Variants in ANKRD62 observed in about 807,000 individuals in gnomAD.
The protein encoded by ANKRD62 is ankyrin repeat domain-containing protein 62.
A neutral mutation model predicts 98.8 loss-of-function variants in ANKRD62; 61 were observed. The ratio of observed to expected loss-of-function variants is 0.62; its 90% CI spans 0.50 to 0.76. The LOEUF is 0.76. Ranked by LOEUF, ANKRD62 falls within the 30% of genes least tolerant of loss-of-function variation. The pLI is 0.00. For synonymous variants in ANKRD62, 341 were observed against 367.9 expected, an observed-to-expected ratio of 0.93 and a Z score of 0.84; for missense variants, 933 against 1,082.9, an observed-to-expected ratio of 0.86 and a Z score of 1.94.
chr18:12,111,961 T>G lies in ANKRD62; in HGVS notation c.1065-3127T>G, dbSNP rs111722205. ...CCTGCCTCTACTAAAAATACAAAAA[T>G]TAGCCGGGCGTGGTGGCAGGCACCT... On this transcript the variant is annotated intron_variant, in intron 8 of 13. Coordinates refer to ENST00000587848, the MANE Select transcript of ANKRD62 (RefSeq NM_001277333.2). Among the ~76,000 whole-genome samples the G allele has an allele frequency of 4.1e-3, 628 of 151,848 alleles. 9 individuals are homozygous for G. Among genetic ancestry groups the G allele is most frequent in the African/African-American group, 0.014 (593 of 41,404 alleles).
intron 13 of ANKRD62, 115 bp downstream of exon 13, chr18:12,126,498 C>T (rs895525512): frequency 1.8e-5 from 19 of 1,031,304 alleles, no homozygotes; most frequent in African/African-American, 1.3e-4. Flanking sequence ...ACATGATAAA[C>T]GGTTCTGCTA....
chr18:12,107,773 A>T (rs1251436200), intron 8 of ANKRD62, among the ~76,000 whole-genome samples: 1 of 152,170 alleles, frequency 6.6e-6, no homozygotes. Flanking sequence ...AATTTTAAAT[A>T]TATCATTTCG....
the ANKRD62 span, among the ~76,000 whole-genome samples, chr18:12,135,455 G>C: frequency 6.6e-6 from 1 of 151,206 alleles, no homozygotes; most frequent in Admixed American, 6.6e-5. Flanking sequence ...TTGGACACTT[G>C]GGTTTGTTCC....
At chr18:12,165,518 CA>C in the ANKRD62 span, among the ~76,000 whole-genome samples, 11 of 151,496 alleles carry the variant, frequency 7.3e-5, no homozygotes, top group African/African-American at 2.4e-4. Flanking sequence ...AACAAACACA[CA>C]AAAAAACTAA....
At chr18:12,176,300 TG>T in the ANKRD62 span, among the ~76,000 whole-genome samples, 1 of 149,736 alleles carries the variant, frequency 6.7e-6, no homozygotes, top group Non-Finnish European at 1.5e-5. Context: ...GATCTCTCAA[TG>T]GACTAAACTT....
the ANKRD62 span, among the ~76,000 whole-genome samples, chr18:12,175,462 C>T: frequency 6.6e-6 from 1 of 152,016 alleles, no homozygotes; most frequent in African/African-American, 2.4e-5. Flanking sequence ...AAAGCAAAAC[C>T]CGTCCCCACA....
the ANKRD62 span, among the ~76,000 whole-genome samples, chr18:12,172,394 T>C: frequency 6.6e-6 from 1 of 152,188 alleles, no homozygotes; most frequent in East Asian, 1.9e-4. Context: ...CTGTTGGAGT[T>C]TGCTGGAGGT....
chr18:12,122,272 T>G, intron 10 of ANKRD62, 31 bp from the exon 11 acceptor site: 3 of 1,487,842 alleles, frequency 2.0e-6, no homozygotes, highest in Non-Finnish European at 2.7e-6. Context: ...CTCATGTATT[T>G]TATCTCTATT....
At position 12,095,195 on chromosome 18, in the gene ANKRD62, C is replaced by G. The variant is rs1386337452; in HGVS notation, c.243C>G (p.Ala81=). 28 of 1,536,578 alleles carry G rather than the reference C, an allele frequency of 1.8e-5. No individual in the cohort carries two copies. Among genetic ancestry groups the G allele is most frequent in the Non-Finnish European group, 2.4e-5 (28 of 1,146,834 alleles). Residue 81 remains alanine, a synonymous_variant, in exon 2 of 14, where the codon GCC becomes GCG. Transcript: ENST00000587848. ...GGACTGCTCTACTTTTGGCGTGTGC[C>G]CATGGCCGTCCAGGAGTGGTAGCTG... The part of the protein sequence containing the change: ...KNRTALLLAC[A]HGRPGVVADL...
the ANKRD62 span, among the ~76,000 whole-genome samples, chr18:12,150,245 C>CA: frequency 4.6e-5 from 7 of 152,082 alleles, no homozygotes; most frequent in African/African-American, 1.2e-4. Flanking sequence ...GACAGTCAGA[C>CA]AAAAAATTAT....
chr18:12,127,811 G>A lies in ANKRD62; in HGVS notation c.2626G>A (p.Ala876Thr), dbSNP rs1909924868. Residue 876 changes from alanine to threonine, a missense_variant, in exon 14 of 14, where the codon GCT (alanine) becomes ACT (threonine). Physicochemically the swap from Ala to Thr is moderately conservative, Grantham distance 58. Coordinates refer to ENST00000587848, the MANE Select transcript of ANKRD62 (RefSeq NM_001277333.2). ...DALNKQLLLEAMLEISSERRI... is the reference protein window; with the variant it reads ...DALNKQLLLETMLEISSERRI... ...CCTGAACAAACAATTGCTGTTAGAAGCTATGCTAGAGATTTCATCAGAACG... is the reference window on the plus strand; with the variant it reads ...CCTGAACAAACAATTGCTGTTAGAAACTATGCTAGAGATTTCATCAGAACG... 4.0e-6 allele frequency: 6 copies of A among 1,510,908 alleles called. No homozygotes were observed. In the South Asian group the frequency reaches 7.6e-5, roughly 19 times the overall value. 93.6% of individuals were successfully genotyped at this position (1,510,908 alleles called of 1,614,324 possible).
At chr18:12,162,778 T>C in the ANKRD62 span, among the ~76,000 whole-genome samples, 5 of 152,292 alleles carry the variant, frequency 3.3e-5, no homozygotes, top group South Asian at 4.1e-4. Context: ...GACTGTCTTT[T>C]TCCTTGGTGT....
intron 8 of ANKRD62, among the ~76,000 whole-genome samples, chr18:12,112,111 CA>C (rs34392499): frequency 0.1 from 3,021 of 29,480 alleles, 44 homozygotes; most frequent in African/African-American, 0.19. Context: ...GACTCCAACT[CA>C]AAAAAAAAAA....
chr18:12,151,243 C>G, the ANKRD62 span, among the ~76,000 whole-genome samples: 1 of 152,178 alleles, frequency 6.6e-6, no homozygotes, highest in Non-Finnish European at 1.5e-5. Context: ...CCTAACTATT[C>G]TGAATATGTA....
the ANKRD62 span, among the ~76,000 whole-genome samples, chr18:12,136,669 C>T: frequency 6.6e-6 from 1 of 152,112 alleles, no homozygotes; most frequent in South Asian, 2.1e-4. Context: ...ATTCTTCGTA[C>T]CCATCAGCAT....
At chr18:12,122,976 G>C (rs916727968) in intron 11 of ANKRD62, among the ~76,000 whole-genome samples, 2 of 152,060 alleles carry the variant, frequency 1.3e-5, no homozygotes, top group Non-Finnish European at 2.9e-5. Context: ...TTTATAATTT[G>C]AGTATGAAAT....
downstream of ANKRD62, chr18:12,129,865 A>G (rs1909975839): frequency 6.6e-6 from 1 of 152,288 alleles, no homozygotes; most frequent in African/African-American, 2.4e-5. Flanking sequence ...TATTTTGTTC[A>G]TTCATTCACC....
chr18:12,169,246 C>T, the ANKRD62 span, among the ~76,000 whole-genome samples: 15 of 152,110 alleles, frequency 9.9e-5, no homozygotes, highest in African/African-American at 3.1e-4. Context: ...TTTGCCCTTT[C>T]GGTATGATAT....
chr18:12,175,015 C>T, the ANKRD62 span, among the ~76,000 whole-genome samples: 1 of 152,284 alleles, frequency 6.6e-6, no homozygotes. Flanking sequence ...GGTGCACACT[C>T]ATCAACTGCA....
Sources: gnomAD v4.1 joint callset for allele counts (sites outside exome capture counted in the v4.1 genomes callset) on GRCh38, gnomAD v4.1.1 for gene constraint, MANE v1.5 for transcripts, NCBI Gene and HGNC (gene_info 2026-07-23, HGNC 2026-07-21) for gene names.